The following CSMD1 variants were observed in gnomAD, a reference collection of about 807,000 sequenced individuals.
The protein encoded by CSMD1 is CUB and Sushi multiple domains 1.
Under a neutral mutation model 417.5 loss-of-function variants are expected in CSMD1, and 213 were observed. The ratio of observed to expected loss-of-function variants is 0.51; its 90% CI spans 0.46 to 0.57. The LOEUF is 0.57. Among genes scored for constraint, CSMD1 ranks in the 20% least tolerant of loss-of-function variants. The pLI is 0.00. For missense variants in CSMD1, 6,923 were observed against 4,529.7 expected, an observed-to-expected ratio of 1.53 and a Z score of -15.17; for synonymous variants, 2,862 against 1,736.8, an observed-to-expected ratio of 1.65 and a Z score of -16.11.
intron 1 of CSMD1, among the ~76,000 whole-genome samples, chr8:4,799,155 C>T (rs1798143478): frequency 6.6e-6 from 1 of 152,088 alleles, no homozygotes; most frequent in South Asian, 2.1e-4. Flanking sequence ...GAGAGATGTG[C>T]TTACATAAAG....
rs547160469 is a variant in CSMD1, at chr8:3,779,477, C to G, written c.819-25435G>C. On this transcript the variant is annotated intron_variant, in intron 5 of 69. Transcript: ENST00000635120. ...AAATTTTAGACATCTTAAAACAATC[C>G]TTTTATAGTATTCACTGATTTCATC... Among the ~76,000 whole-genome samples the G allele has an allele frequency of 3.3e-5, 5 of 152,092 alleles. No individual in the cohort carries two copies. The South Asian group carries it at 1.0e-3, about 32-fold the overall frequency.
intron 3 of CSMD1, among the ~76,000 whole-genome samples, chr8:4,086,350 T>C (rs897489231): frequency 1.3e-5 from 2 of 152,214 alleles, no homozygotes; most frequent in South Asian, 2.1e-4. Context: ...AATTCTTTAA[T>C]ACTGAAACTT....
At chr8:4,982,448 G>A (rs1810946660) in intron 1 of CSMD1, among the ~76,000 whole-genome samples, 1 of 152,174 alleles carries the variant, frequency 6.6e-6, no homozygotes, top group South Asian at 2.1e-4. Flanking sequence ...TTGGCTTTCT[G>A]TCTCTCTCCC....
At chr8:3,613,784 G>A (rs1284579140) in intron 8 of CSMD1, among the ~76,000 whole-genome samples, 1 of 149,122 alleles carries the variant, frequency 6.7e-6, no homozygotes, top group Admixed American at 6.7e-5. Context: ...ACTGATAAAG[G>A]GCATCTATGA....
At chr8:4,545,091 G>A (rs1208184830) in intron 2 of CSMD1, among the ~76,000 whole-genome samples, 2 of 152,174 alleles carry the variant, frequency 1.3e-5, no homozygotes, top group African/African-American at 4.8e-5. Flanking sequence ...GTATATAAAA[G>A]GCATGTTAAG....
chr8:4,450,834 T>G (rs1469338773), intron 2 of CSMD1, among the ~76,000 whole-genome samples: 1 of 152,060 alleles, frequency 6.6e-6, no homozygotes, highest in Non-Finnish European at 1.5e-5. Flanking sequence ...CACTTGTGAG[T>G]AAGGGTGGTG....
chr8:3,469,513 G>C, intron 11 of CSMD1, among the ~76,000 whole-genome samples: 1 of 152,070 alleles, frequency 6.6e-6, no homozygotes, highest in East Asian at 1.9e-4. Flanking sequence ...GTCACATAGG[G>C]GCTGCTGTCA....
intron 3 of CSMD1, among the ~76,000 whole-genome samples, chr8:4,400,624 G>A (rs1032747458): frequency 6.6e-5 from 10 of 152,236 alleles, no homozygotes; most frequent in African/African-American, 1.9e-4. Flanking sequence ...GATCCAGACT[G>A]ACCTGCAATC....
At chr8:3,060,806 G>A (rs902482868) in intron 49 of CSMD1, among the ~76,000 whole-genome samples, 1 of 152,154 alleles carries the variant, frequency 6.6e-6, no homozygotes, top group African/African-American at 2.4e-5. Flanking sequence ...TTGTGAATGG[G>A]ATTAGGTGTC....
At chr8:3,756,259 A>C (rs973587793) in intron 5 of CSMD1, among the ~76,000 whole-genome samples, 1 of 151,900 alleles carries the variant, frequency 6.6e-6, no homozygotes, top group East Asian at 1.9e-4. Context: ...AGGCTGAGGC[A>C]GGAGAATGGC....
At chr8:3,947,751 G>A (rs1049388301) in intron 5 of CSMD1, among the ~76,000 whole-genome samples, 7 of 152,146 alleles carry the variant, frequency 4.6e-5, no homozygotes, top group Admixed American at 3.3e-4. Context: ...TTATCTTAGT[G>A]AATGTTCCAT....
chr8:3,778,046 C>T (rs1798987695), intron 5 of CSMD1, among the ~76,000 whole-genome samples: 1 of 152,248 alleles, frequency 6.6e-6, no homozygotes, highest in Non-Finnish European at 1.5e-5. Flanking sequence ...CTGTGCTTAA[C>T]AGGCTGTCCA....
intron 3 of CSMD1, among the ~76,000 whole-genome samples, chr8:4,277,978 A>G (rs528021573): frequency 1.3e-5 from 2 of 152,084 alleles, no homozygotes; most frequent in South Asian, 4.2e-4. Context: ...TTGAACTCCT[A>G]ACCTCGTGAT....
At chr8:4,181,798 T>C (rs79612429) in intron 3 of CSMD1, among the ~76,000 whole-genome samples, 4,623 of 152,298 alleles carry the variant, frequency 0.03, 100 homozygotes, top group Non-Finnish European at 0.044. Flanking sequence ...AGGTGACTAA[T>C]TGACTATGCA....
chr8:3,373,949 A>G lies in CSMD1; in HGVS notation c.2783-4579T>C, dbSNP rs111862297. ...TGGCTGAGTTGAAGTAAAGCATCCA[A>G]CTATTTTTTTTTTTTTTTTTTGAGA... is the stretch of plus-strand genomic sequence containing the variant. On this transcript the variant is annotated intron_variant, in intron 18 of 69. Coordinates refer to ENST00000635120, the MANE Select transcript of CSMD1 (RefSeq NM_033225.6). 2.1e-3 allele frequency among the ~76,000 whole-genome samples: 205 copies of G among 99,778 alleles called. 1 individual carries two copies. Among genetic ancestry groups the G allele is most frequent in the African/African-American group, 7.4e-3 (191 of 25,660 alleles). 65.5% of individuals were successfully genotyped at this position (99,778 alleles called of 152,430 possible). A position where few individuals can be genotyped will look rare whatever the true frequency, so the allele number is the denominator to read the frequency against.
chr8:3,960,666 TATG>T (rs1254657254), intron 5 of CSMD1, among the ~76,000 whole-genome samples: 2 of 152,178 alleles, frequency 1.3e-5, no homozygotes, highest in South Asian at 2.1e-4. Context: ...ATCAAGAAGT[TATG>T]ATAAAACTTT....
intron 1 of CSMD1, among the ~76,000 whole-genome samples, chr8:4,957,857 C>T (rs1354354118): frequency 6.6e-6 from 1 of 152,198 alleles, no homozygotes; most frequent in African/African-American, 2.4e-5. Context: ...CCTGCAGTCA[C>T]TCTGCCAGCC....
At chr8:4,538,176 A>G (rs1289429700) in intron 2 of CSMD1, among the ~76,000 whole-genome samples, 1 of 144,438 alleles carries the variant, frequency 6.9e-6, no homozygotes, top group Non-Finnish European at 1.5e-5. Context: ...GTAACATGCA[A>G]CTGGAGGTGG....
chr8:4,710,232 G>A (rs536594843), intron 1 of CSMD1, among the ~76,000 whole-genome samples: 4 of 151,358 alleles, frequency 2.6e-5, no homozygotes, highest in African/African-American at 9.7e-5. Flanking sequence ...TCTTATTCAA[G>A]GTACTATGAA....
Sources: gnomAD v4.1 joint callset for allele counts (sites outside exome capture counted in the v4.1 genomes callset) on GRCh38, gnomAD v4.1.1 for gene constraint, MANE v1.5 for transcripts, NCBI Gene and HGNC (gene_info 2026-07-23, HGNC 2026-07-21) for gene names.